Variants in MAX observed in about 807,000 individuals in gnomAD.
The protein encoded by MAX is MYC associated transcriptional regulator X, also known as protein max.
Under a neutral mutation model 22.3 loss-of-function variants are expected in MAX, and 3 were observed. That is an observed-to-expected ratio of 0.13 (90% CI 0.06 to 0.35). The LOEUF (loss-of-function observed/expected upper bound fraction) is 0.35. Among genes scored for constraint, MAX ranks in the 10% least tolerant of loss-of-function variants. The probability of loss-of-function intolerance (pLI) is 1.00; values close to 1 mark genes in which losing one functional copy is unlikely to be tolerated. For synonymous variants in MAX, 72 were observed against 77.7 expected, an observed-to-expected ratio of 0.93 and a Z score of 0.39; for missense variants, 119 against 209.4, an observed-to-expected ratio of 0.57 and a Z score of 2.66.
chr14:65,053,483 T>C (rs1295396574), intron 3 of MAX: 1 of 767,062 alleles, frequency 1.3e-6, no homozygotes, highest in South Asian at 6.8e-5. Context: ...CTAGGTTGTA[T>C]GGGAAAAAGC....
rs980815296 is a variant in MAX, at chr14:65,044,306, C to T, written c.172-38022G>A. 1 of 1,612,992 alleles carries T rather than the reference C, an allele frequency of 6.2e-7. No individual in the cohort carries two copies. The highest frequency in any genetic ancestry group is 2.2e-5 in the East Asian group (1 of 44,808). Reference sequence around the variant, plus strand: ...CAACTGCCTTTCCCATCTGTGTCTCCTCAGCAATGGGTGACAAGCCGGCAG... The same window carrying T: ...CAACTGCCTTTCCCATCTGTGTCTCTTCAGCAATGGGTGACAAGCCGGCAG... On this transcript the variant is annotated intron_variant, in intron 3 of 3. Transcript: ENST00000341653. The surrounding 1 kb of genome is among the most constrained non-coding windows in gnomAD (Gnocchi z 5.5).
At chr14:65,071,391 A>C (rs564428305), downstream of MAX, among the ~76,000 whole-genome samples, 4 of 152,150 alleles carry the variant, frequency 2.6e-5, no homozygotes, top group Non-Finnish European at 5.9e-5. The surrounding 1 kb of genome is among the most constrained non-coding windows in gnomAD (Gnocchi z 4.2). Context: ...TGATCCGCCC[A>C]CCTTGGCTTC....
At chr14:65,061,402 A>G in intron 3 of MAX, 1 of 1,555,128 alleles carries the variant, frequency 6.4e-7, no homozygotes, top group Non-Finnish European at 8.7e-7. Flanking sequence ...TCTGTGCTAC[A>G]CAAGCCTTAG....
Position 65,054,957 on chromosome 14 carries a change from T to C in MAX, c.171+38751A>G, listed in dbSNP as rs2062698226. 6.6e-6 allele frequency among the ~76,000 whole-genome samples: 1 copy of C among 152,226 alleles called. No individual in the cohort carries two copies. The highest frequency in any genetic ancestry group is 2.4e-5 in the African/African-American group (1 of 41,466). On this transcript the variant is annotated intron_variant, in intron 3 of 3. Coordinates refer to the MAX transcript ENST00000341653. The surrounding 1 kb of genome is among the most constrained non-coding windows in gnomAD (Gnocchi z 4.4). ...CAGGGCTGAGGACCTAGCCCACTGC[T>C]GGTATTAGCTTCCCCTAGAGGAGGC...
intron 3 of MAX, among the ~76,000 whole-genome samples, chr14:65,039,234 G>A (rs146858191): frequency 5.9e-5 from 9 of 152,298 alleles, no homozygotes; most frequent in Non-Finnish European, 1.3e-4. Context: ...CCTCAGAGAG[G>A]AATCTTCTAA....
intron 3 of MAX, chr14:65,053,384 G>T (rs779607373): frequency 1.4e-6 from 2 of 1,382,148 alleles, no homozygotes; most frequent in Admixed American, 2.9e-5. Flanking sequence ...GAAGGGAGAG[G>T]GGAGGAGAGA....
At chr14:65,039,917 G>A (rs556164772) in intron 3 of MAX, among the ~76,000 whole-genome samples, 4 of 152,328 alleles carry the variant, frequency 2.6e-5, no homozygotes, top group South Asian at 2.1e-4. Flanking sequence ...GGCCAAGTGC[G>A]GTGGCCCATG....
At chr14:65,020,245 G>A (rs141659327) in intron 3 of MAX, among the ~76,000 whole-genome samples, 53 of 152,342 alleles carry the variant, frequency 3.5e-4, no homozygotes, top group African/African-American at 1.3e-3. Context: ...TGGTATCAGA[G>A]GTTTCAAGAA....
chr14:65,068,646 G>C (rs988113925), intron 3 of MAX, among the ~76,000 whole-genome samples: 2 of 151,966 alleles, frequency 1.3e-5, no homozygotes, highest in African/African-American at 4.8e-5. Context: ...TGGCCTTTGG[G>C]AGCTTTCTCA....
At chr14:65,048,325 T>TAAA (rs59114641) in intron 3 of MAX, among the ~76,000 whole-genome samples, 2 of 145,116 alleles carry the variant, frequency 1.4e-5, no homozygotes, top group Non-Finnish European at 1.5e-5. Flanking sequence ...ACTGTGCCTT[T>TAAA]AAAAAAAAAA....
intron 3 of MAX, among the ~76,000 whole-genome samples, chr14:65,039,884 A>G (rs2062306414): frequency 6.6e-6 from 1 of 152,182 alleles, no homozygotes; most frequent in African/African-American, 2.4e-5. Context: ...TTACTAGTAG[A>G]CCTGTACTCA....
In MAX at chr14:65,084,521, G is replaced by C. The variant is rs1234949777; in HGVS notation, c.172-6485C>G. The stretch of plus-strand genomic sequence containing the variant: ...AAGAGGATATAAAAACAATCCTCTT[G>C]GAAAGCATTTTGGCAACACACGGAA... On this transcript the variant is annotated intron_variant, in intron 3 of 4. Transcript: ENST00000358664. The surrounding 1 kb of genome is among the most constrained non-coding windows in gnomAD (Gnocchi z 4.3). Among the ~76,000 whole-genome samples the C allele has an allele frequency of 6.6e-6, 1 of 151,928 alleles. No homozygotes were observed. Among genetic ancestry groups the C allele is most frequent in the African/African-American group, 2.4e-5 (1 of 41,344 alleles).
At chr14:65,064,964 G>A (rs2062916486) in intron 3 of MAX, among the ~76,000 whole-genome samples, 1 of 152,230 alleles carries the variant, frequency 6.6e-6, no homozygotes, top group Admixed American at 6.5e-5. Flanking sequence ...GCCCTGACTG[G>A]CTAAGCCAAT....
intron 3 of MAX, among the ~76,000 whole-genome samples, chr14:65,041,327 T>C (rs572784568): frequency 3.3e-5 from 5 of 152,348 alleles, no homozygotes; most frequent in African/African-American, 1.2e-4. Context: ...AGTACCTACA[T>C]TTAAATGAGT....
chr14:65,093,905 TC>T lies in MAX; in HGVS notation c.64-91del, dbSNP rs1199290478. ...GGGTACAGCCTGGAAGTACACGCTG[TC>T]AGCACTGTCCCTGGCGAGTGGACTG... is the stretch of plus-strand genomic sequence containing the variant. On this transcript the variant is annotated intron_variant, in intron 2 of 4. Coordinates refer to ENST00000358664, the MANE Select transcript of MAX (RefSeq NM_002382.5). This position sits in a 1 kb window ranked among gnomAD's most constrained non-coding sequence, Gnocchi z 4.4. 11 of 806,168 alleles carry T rather than the reference TC, an allele frequency of 1.4e-5. No homozygotes were observed. Among genetic ancestry groups the T allele is most frequent in the Non-Finnish European group, 2.5e-5 (11 of 447,110 alleles). The allele number at this position is 806,168 out of a possible 1,614,324, so 49.9% of individuals were successfully genotyped here.
rs2061646051 is a variant in MAX, at chr14:65,009,209, G to T, written c.172-2925C>A. ...TGCCATAAGACGGTATCACAGATGG[G>T]GTGCATTAAACCACAGAGATTTATT... On this transcript the variant is annotated intron_variant, in intron 3 of 3. Coordinates refer to the MAX transcript ENST00000341653. This position sits in a 1 kb window ranked among gnomAD's most constrained non-coding sequence, Gnocchi z 4.2. Among the ~76,000 whole-genome samples the T allele has an allele frequency of 6.6e-6, 1 of 152,090 alleles. No homozygotes were observed. Among genetic ancestry groups the T allele is most frequent in the Non-Finnish European group, 1.5e-5 (1 of 68,024 alleles).
intron 3 of MAX, among the ~76,000 whole-genome samples, chr14:65,087,526 G>A (rs2063372415): frequency 6.6e-6 from 1 of 152,180 alleles, no homozygotes; most frequent in East Asian, 1.9e-4. Context: ...GATCATTACA[G>A]GGCTTTTAGA....
In MAX at chr14:65,054,835, T is replaced by TA; in HGVS notation, c.171+38872dup. ...TCTGCCCTTCGAGCTGTGCAGCCGT[T>TA]AGTGAGGATGTGACCACAGAGGAGA... On this transcript the variant is annotated intron_variant, in intron 3 of 3. Transcript: ENST00000341653. This position sits in a 1 kb window ranked among gnomAD's most constrained non-coding sequence, Gnocchi z 4.4. 1.1e-6 allele frequency: 1 copy of TA among 897,804 alleles called. No homozygotes were observed. Among genetic ancestry groups the TA allele is most frequent in the South Asian group, 1.7e-5 (1 of 59,388 alleles). 55.6% of individuals were successfully genotyped at this position (897,804 alleles called of 1,614,324 possible).
chr14:65,040,631 A>T (rs1286916432), intron 3 of MAX, among the ~76,000 whole-genome samples: 2 of 142,240 alleles, frequency 1.4e-5, no homozygotes, highest in African/African-American at 5.4e-5. Flanking sequence ...TTTTGAAAAG[A>T]CATTTCCAAA....
Sources: allele counts gnomAD v4.1 joint callset (sites outside exome capture counted in the v4.1 genomes callset), GRCh38; gene constraint gnomAD v4.1.1; non-coding constraint Gnocchi (gnomAD v3.1); transcripts MANE v1.5; gene names NCBI Gene and HGNC (gene_info 2026-07-23, HGNC 2026-07-21).